RAB8A: variants seen among roughly 807,000 people sequenced by gnomAD.
The protein encoded by RAB8A is ras-related protein Rab-8A.
RAB8A carries 5 observed loss-of-function variants against 29.2 expected under a neutral mutation model. The observed-to-expected ratio is 0.17, with a 90% CI of 0.09 to 0.36. RAB8A has a LOEUF of 0.36. Ranked by LOEUF, RAB8A falls within the 10% of genes least tolerant of loss-of-function variation. RAB8A has a pLI of 1.00. For synonymous variants in RAB8A, 108 were observed against 99.9 expected (o/e 1.08, Z -0.49); for missense variants, 171 against 272.2 (o/e 0.63, Z 2.62).
At position 16,122,550 on chromosome 19, in the gene RAB8A, C is replaced by A. The variant is rs1171192708; in HGVS notation, c.246+740C>A. 6.6e-6 allele frequency among the ~76,000 whole-genome samples: 1 copy of A among 152,136 alleles called. No individual in the cohort carries two copies. Among genetic ancestry groups the A allele is most frequent in the Non-Finnish European group, 1.5e-5 (1 of 68,004 alleles). On this transcript the variant is annotated intron_variant, in intron 3 of 7. Transcript: ENST00000300935. The surrounding 1 kb of genome is among the most constrained non-coding windows in gnomAD (Gnocchi z 4.7). ...GATAAACGGCTGCCTCTCCCCATTC[C>A]CAGGTCCCTCTGCTCCCCACTCTTT...
chr19:16,114,695 C>T (rs1329523601), intron 1 of RAB8A, among the ~76,000 whole-genome samples: 2 of 151,810 alleles, frequency 1.3e-5, no homozygotes, highest in African/African-American at 4.8e-5. Context: ...GCCCAACCCC[C>T]CTCTTTAGAG....
rs759577087 is a variant in RAB8A, at chr19:16,125,505, G to A, written c.282G>A (p.Lys94=). 1 of 1,614,168 alleles carries A rather than the reference G, an allele frequency of 6.2e-7. No individual in the cohort carries two copies. The highest frequency in any genetic ancestry group is 8.5e-7 in the Non-Finnish European group (1 of 1,180,008). The change falls in exon 4 of 8, where the codon AAG becomes AAA. Residue 94 remains lysine (K), a synonymous_variant. Transcript: ENST00000300935. The surrounding 1 kb of genome is among the most constrained non-coding windows in gnomAD (Gnocchi z 5.0). The part of the protein sequence containing the change: ...IMLVYDITNE[K]SFDNIRNWIR... ...TGGTCTACGACATCACCAACGAGAA[G>A]TCCTTCGACAACATCCGGAACTGGA...
intron 1 of RAB8A, among the ~76,000 whole-genome samples, chr19:16,113,643 G>GGAGTGA (rs2090833784): frequency 6.6e-6 from 1 of 152,168 alleles, no homozygotes; most frequent in Admixed American, 6.5e-5. Context: ...CTTGTGATCT[G>GGAGTGA]CCTGCCTTGG....
intron 6 of RAB8A, 29 bp from the exon 7 acceptor site, chr19:16,129,525 C>A (rs761741034): frequency 1.2e-6 from 2 of 1,612,564 alleles, no homozygotes; most frequent in Non-Finnish European, 1.7e-6. Flanking sequence ...CCTGCCATCC[C>A]AAGGACTCAC....
chr19:16,125,994 A>G lies in RAB8A; in HGVS notation c.324+447A>G. The G allele has an allele frequency of 7.8e-6, 2 of 255,622 alleles. No homozygotes were observed. The highest frequency in any genetic ancestry group is 8.7e-5 in the South Asian group (2 of 23,022). 15.8% of individuals were successfully genotyped at this position (255,622 alleles called of 1,614,324 possible). A position where few individuals can be genotyped will look rare whatever the true frequency, so the allele number is the denominator to read the frequency against. On this transcript the variant is annotated intron_variant, in intron 4 of 7. Coordinates refer to ENST00000300935, the MANE Select transcript of RAB8A (RefSeq NM_005370.5). The surrounding 1 kb of genome is among the most constrained non-coding windows in gnomAD (Gnocchi z 5.0). Reference sequence around the variant, plus strand: ...GACCTGTGTTCAGACCTTGAACCATAGAGCAGTGAGAAGTAGGCCAACCCC... The same window carrying G: ...GACCTGTGTTCAGACCTTGAACCATGGAGCAGTGAGAAGTAGGCCAACCCC...
Position 16,122,248 on chromosome 19 carries a change from C to T in RAB8A, c.246+438C>T, listed in dbSNP as rs560234867. On this transcript the variant is annotated intron_variant, in intron 3 of 7. Coordinates refer to ENST00000300935, the MANE Select transcript of RAB8A (RefSeq NM_005370.5). The surrounding 1 kb of genome is among the most constrained non-coding windows in gnomAD (Gnocchi z 4.7). ...TTATATCCGTCACCCAGGCCTGAGGCGGGATGACGTGATGGGAAGACTCAG... is the reference window on the plus strand; with the variant it reads ...TTATATCCGTCACCCAGGCCTGAGGTGGGATGACGTGATGGGAAGACTCAG... 9 of 158,864 alleles carry T rather than the reference C, an allele frequency of 5.7e-5. No homozygotes were observed. In the South Asian group the frequency reaches 1.5e-3, roughly 26 times the overall value. The allele number at this position is 158,864 out of a possible 1,614,324, so 9.8% of individuals were successfully genotyped here. A position where few individuals can be genotyped will look rare whatever the true frequency, so the allele number is the denominator to read the frequency against.
At chr19:16,120,803 G>C (rs1349446383) in intron 2 of RAB8A, among the ~76,000 whole-genome samples, 1 of 151,786 alleles carries the variant, frequency 6.6e-6, no homozygotes, top group Non-Finnish European at 1.5e-5. Flanking sequence ...TAGAGATGAG[G>C]TTTCATTGTG....
intron 2 of RAB8A, among the ~76,000 whole-genome samples, chr19:16,120,724 TCTCGGC>T (rs1321245218): frequency 2.0e-5 from 3 of 151,462 alleles, no homozygotes; most frequent in Non-Finnish European, 4.4e-5. Context: ...GATTGTTGTG[TCTCGGC>T]CTCCTAAGTA....
chr19:16,131,848 ATGGATGGT>A (rs1198744815), intron 7 of RAB8A, among the ~76,000 whole-genome samples: 1 of 112,620 alleles, frequency 8.9e-6, no homozygotes, highest in Non-Finnish European at 1.8e-5. Context: ...AAGGGTATAG[ATGGATGGT>A]TGGTTGGTTG....
At chr19:16,120,330 T>C (rs1008534645) in intron 2 of RAB8A, among the ~76,000 whole-genome samples, 19 of 150,154 alleles carry the variant, frequency 1.3e-4, no homozygotes, top group African/African-American at 4.7e-4. Context: ...TTTTTTTTTT[T>C]TTGACAAAGT....
chr19:16,113,925 T>A (rs1019925544), intron 1 of RAB8A, among the ~76,000 whole-genome samples: 5 of 152,048 alleles, frequency 3.3e-5, no homozygotes, highest in African/African-American at 1.2e-4. Context: ...CCAGAGGCTA[T>A]CTAGAGGAAG....
In RAB8A at chr19:16,122,870, G is replaced by C. The variant is rs1216619283; in HGVS notation, c.246+1060G>C. 1.3e-5 allele frequency among the ~76,000 whole-genome samples: 2 copies of C among 152,136 alleles called. No homozygotes were observed. Among genetic ancestry groups the C allele is most frequent in the Non-Finnish European group, 2.9e-5 (2 of 68,018 alleles). ...CCACCTCACAGTTCTCTGGTGGAGG[G>C]TGGGCAGGCGGCCTGAGGGCACTGG... On this transcript the variant is annotated intron_variant, in intron 3 of 7. Coordinates refer to ENST00000300935, the MANE Select transcript of RAB8A (RefSeq NM_005370.5). The surrounding 1 kb of genome is among the most constrained non-coding windows in gnomAD (Gnocchi z 4.7).
chr19:16,121,003 A>C (rs111996065), intron 2 of RAB8A, among the ~76,000 whole-genome samples: 28 of 147,898 alleles, frequency 1.9e-4, no homozygotes, highest in Non-Finnish European at 3.7e-4. Flanking sequence ...TGCAGCCTCC[A>C]CCTCCTGGGT....
intron 1 of RAB8A, among the ~76,000 whole-genome samples, chr19:16,114,175 G>A (rs775292207): frequency 2.0e-5 from 3 of 152,040 alleles, no homozygotes; most frequent in Non-Finnish European, 4.4e-5. Context: ...AGGCCAAGGT[G>A]GGAGGATCGA....
rs1006361263 is a variant in RAB8A, at chr19:16,127,586, C to T, written c.414+60C>T. On this transcript the variant is annotated intron_variant, in intron 5 of 7. Transcript: ENST00000300935. This position sits in a 1 kb window ranked among gnomAD's most constrained non-coding sequence, Gnocchi z 4.8. Reference sequence around the variant, plus strand: ...GGGTCTTGGGGTTCTTGTGCAGAGGCCTTCCCCTGTCCCTCCTCTGCCCCA... The same window carrying T: ...GGGTCTTGGGGTTCTTGTGCAGAGGTCTTCCCCTGTCCCTCCTCTGCCCCA... The T allele has an allele frequency of 3.8e-6, 5 of 1,301,896 alleles. No individual in the cohort carries two copies. Among genetic ancestry groups the T allele is most frequent in the African/African-American group, 1.5e-5 (1 of 67,362 alleles). 80.6% of individuals were successfully genotyped at this position (1,301,896 alleles called of 1,614,324 possible). A position where few individuals can be genotyped will look rare whatever the true frequency, so the allele number is the denominator to read the frequency against.
intron 2 of RAB8A, among the ~76,000 whole-genome samples, chr19:16,120,889 A>C (rs942891073): frequency 6.7e-6 from 1 of 150,342 alleles, no homozygotes; most frequent in Non-Finnish European, 1.5e-5. Flanking sequence ...GGGATTACAG[A>C]TGTAAGCCAC....
chr19:16,134,211 C>G lies in RAB8A; in HGVS notation c.*1907C>G, dbSNP rs1448874479. 2 of 152,214 alleles carry G rather than the reference C, an allele frequency of 1.3e-5. No individual in the cohort carries two copies. The highest frequency in any genetic ancestry group is 2.4e-5 in the African/African-American group (1 of 41,430). The allele number at this position is 152,214 out of a possible 1,614,324, so 9.4% of individuals were successfully genotyped here. A position where few individuals can be genotyped will look rare whatever the true frequency, so the allele number is the denominator to read the frequency against. Reference sequence around the variant, plus strand: ...GGGTCACACACCCCATGCTTAACTCCCCCAACAATGAGTTGTAACAACAGG... The same window carrying G: ...GGGTCACACACCCCATGCTTAACTCGCCCAACAATGAGTTGTAACAACAGG... On this transcript the variant is annotated 3_prime_UTR_variant, in exon 8 of 8. Transcript: ENST00000300935.
rs370904406 is a variant in RAB8A at position 16,121,822 on chromosome 19, T to C, written c.246+12T>C. 6.2e-7 allele frequency: 1 copy of C among 1,609,646 alleles called. No homozygotes were observed. The highest frequency in any genetic ancestry group is 2.2e-5 in the East Asian group (1 of 44,858). On this transcript the variant is annotated intron_variant, in intron 3 of 7. Coordinates refer to ENST00000300935, the MANE Select transcript of RAB8A (RefSeq NM_005370.5). ...ACAGGGGTGCAATGGTAGGGACTTTTTGTTTGGTTGTTTTTATCTGCTTTT... is the reference window on the plus strand; with the variant it reads ...ACAGGGGTGCAATGGTAGGGACTTTCTGTTTGGTTGTTTTTATCTGCTTTT...
chr19:16,120,406 T>C (rs553220654), intron 2 of RAB8A, among the ~76,000 whole-genome samples: 1 of 147,704 alleles, frequency 6.8e-6, no homozygotes, highest in African/African-American at 2.5e-5. Context: ...TCCACTTCCT[T>C]GGTTCAAGCA....
Sources: allele counts gnomAD v4.1 joint callset (sites outside exome capture counted in the v4.1 genomes callset), GRCh38; gene constraint gnomAD v4.1.1; non-coding constraint Gnocchi (gnomAD v3.1); transcripts MANE v1.5; gene names NCBI Gene and HGNC (gene_info 2026-07-23, HGNC 2026-07-21).